Variants in COBL observed in about 807,000 individuals in gnomAD.
The protein encoded by COBL is protein cordon-bleu.
A neutral mutation model predicts 98.8 loss-of-function variants in COBL; 51 were observed. The ratio of observed to expected loss-of-function variants is 0.52; its 90% CI spans 0.41 to 0.65. The LOEUF (loss-of-function observed/expected upper bound fraction) is 0.65. Ranked by LOEUF, COBL falls within the 30% of genes least tolerant of loss-of-function variation. The pLI is 0.00. For synonymous variants in COBL, 634 were observed against 651.7 expected (o/e 0.97, Z 0.41); for missense variants, 1,617 against 1,617.5 (o/e 1.00, Z 0.01).
chr7:51,202,797 T>C (rs544222921), intron 2 of COBL, among the ~76,000 whole-genome samples: 2 of 152,282 alleles, frequency 1.3e-5, no homozygotes, highest in South Asian at 4.1e-4. Flanking sequence ...TCCCAGCACT[T>C]TGGGAGGCCA....
chr7:51,147,356 T>C (rs1004813740), intron 5 of COBL, among the ~76,000 whole-genome samples: 5 of 152,224 alleles, frequency 3.3e-5, no homozygotes, highest in African/African-American at 1.2e-4. Flanking sequence ...TAAATTTAAT[T>C]TTCTCAGCAA....
At chr7:51,042,859 A>G (rs1789338160) in intron 8 of COBL, among the ~76,000 whole-genome samples, 1 of 152,218 alleles carries the variant, frequency 6.6e-6, no homozygotes, top group South Asian at 2.1e-4. Context: ...AATCACTGGC[A>G]TCGGTGTGCA....
chr7:51,018,946 ATATATATG>A (rs1786634214), intron 12 of COBL, among the ~76,000 whole-genome samples: 5 of 107,088 alleles, frequency 4.7e-5, no homozygotes, highest in East Asian at 5.1e-4. Context: ...ATATATATAT[ATATATATG>A]ATTTTTTTTG....
chr7:51,199,248 C>G (rs373992630), intron 2 of COBL, among the ~76,000 whole-genome samples: 4 of 152,276 alleles, frequency 2.6e-5, no homozygotes, highest in Admixed American at 2.0e-4. Flanking sequence ...GACCCTGAAA[C>G]GGCCAACTTA....
At chr7:51,316,451 C>G (rs1188038147) in intron 1 of COBL, 142 bp downstream of exon 1, 4 of 554,826 alleles carry the variant, frequency 7.2e-6, no homozygotes, top group African/African-American at 6.0e-5. Flanking sequence ...ACACCAGCAC[C>G]GCACCACCTG....
intron 1 of COBL, among the ~76,000 whole-genome samples, chr7:51,228,015 G>A (rs920045169): frequency 4.6e-5 from 7 of 152,044 alleles, no homozygotes; most frequent in African/African-American, 1.4e-4. Context: ...AGGGAGAAAC[G>A]ACTTTACCCA....
At chr7:51,162,246 C>A (rs2129035734) in intron 5 of COBL, among the ~76,000 whole-genome samples, 1 of 152,262 alleles carries the variant, frequency 6.6e-6, no homozygotes, top group East Asian at 1.9e-4. Context: ...CCAGAGTCCC[C>A]CGCAGGTGTC....
chr7:51,291,814 T>G (rs1389110496), intron 1 of COBL, among the ~76,000 whole-genome samples: 2 of 151,490 alleles, frequency 1.3e-5, no homozygotes, highest in African/African-American at 2.4e-5. Flanking sequence ...TATTTACAAA[T>G]GAAAAGATAG....
At chr7:51,178,166 C>T (rs2129048371) in intron 5 of COBL, among the ~76,000 whole-genome samples, 1 of 152,052 alleles carries the variant, frequency 6.6e-6, no homozygotes, top group East Asian at 1.9e-4. Flanking sequence ...GTCTCTCTCT[C>T]TCCCTCTCTC....
intron 1 of COBL, among the ~76,000 whole-genome samples, chr7:51,246,222 A>G (rs1393772338): frequency 6.6e-6 from 1 of 152,246 alleles, no homozygotes; most frequent in Non-Finnish European, 1.5e-5. Context: ...GACTCTATGA[A>G]GAAGATGGCA....
intron 1 of COBL, among the ~76,000 whole-genome samples, chr7:51,222,820 T>A (rs1793779014): frequency 6.6e-6 from 1 of 152,228 alleles, no homozygotes; most frequent in Non-Finnish European, 1.5e-5. Context: ...GGAAGCAGCA[T>A]TTATTCATTT....
chr7:51,316,546 C>G, intron 1 of COBL, 47 bp downstream of exon 1: 1 of 1,201,650 alleles, frequency 8.3e-7, no homozygotes, highest in Non-Finnish European at 1.0e-6. Context: ...GGCGTCCGAG[C>G]CCAGGGAAGC....
At chr7:51,210,141 G>A (rs543200267) in intron 2 of COBL, among the ~76,000 whole-genome samples, 1 of 152,292 alleles carries the variant, frequency 6.6e-6, no homozygotes, top group African/African-American at 2.4e-5. Flanking sequence ...ACTCCACAAT[G>A]TGGGCCTTTA....
chr7:51,291,355 C>T (rs949013868), intron 1 of COBL, among the ~76,000 whole-genome samples: 1 of 152,180 alleles, frequency 6.6e-6, no homozygotes, highest in South Asian at 2.1e-4. Flanking sequence ...TCATATACAA[C>T]TGTAAAAAGT....
At chr7:51,254,060 CTTTT>C (rs1281631756) in intron 1 of COBL, among the ~76,000 whole-genome samples, 2 of 142,834 alleles carry the variant, frequency 1.4e-5, no homozygotes. Flanking sequence ...CTCATTCTTC[CTTTT>C]TGAGTTGTTT....
At chr7:51,061,913 G>A (rs1791399440) in intron 7 of COBL, among the ~76,000 whole-genome samples, 1 of 139,026 alleles carries the variant, frequency 7.2e-6, no homozygotes, top group South Asian at 2.3e-4. Flanking sequence ...ATTACACAAG[G>A]CCATCCCTAT....
chr7:51,043,033 A>C (rs1357316478), intron 8 of COBL, among the ~76,000 whole-genome samples: 1 of 152,254 alleles, frequency 6.6e-6, no homozygotes, highest in Non-Finnish European at 1.5e-5. Flanking sequence ...CTAGCCCTGA[A>C]AAACTAGAAC....
At chr7:51,147,737 C>T (rs932050680) in intron 5 of COBL, among the ~76,000 whole-genome samples, 7 of 151,330 alleles carry the variant, frequency 4.6e-5, no homozygotes, top group Non-Finnish European at 7.4e-5. Context: ...ACATAAAGTA[C>T]GTTGATTTTT....
chr7:51,237,538 T>TAA (rs5884200), intron 1 of COBL, among the ~76,000 whole-genome samples: 4,181 of 132,718 alleles, frequency 0.032, 224 homozygotes, highest in African/African-American at 0.11. Flanking sequence ...TTTTTTTTCT[T>TAA]AAAAAAAAAA....
Sources: allele counts gnomAD v4.1 joint callset (sites outside exome capture counted in the v4.1 genomes callset), GRCh38; gene constraint gnomAD v4.1.1; transcripts MANE v1.5; gene names NCBI Gene and HGNC (gene_info 2026-07-23, HGNC 2026-07-21).